The following LAMC1 variants were observed in gnomAD, a reference collection of about 807,000 sequenced individuals.
LAMC1 encodes laminin subunit gamma-1.
Under a neutral mutation model 173.6 loss-of-function variants are expected in LAMC1, and 38 were observed. The observed-to-expected ratio is 0.22, with a 90% CI of 0.17 to 0.29. The LOEUF (loss-of-function observed/expected upper bound fraction) is 0.29. LAMC1 is among the 10% of genes least tolerant of loss of function. LAMC1 has a pLI of 1.00. For missense variants in LAMC1, 1,824 were observed against 2,051.8 expected, an observed-to-expected ratio of 0.89 and a Z score of 2.14; for synonymous variants, 746 against 749.1, an observed-to-expected ratio of 1.00 and a Z score of 0.07.
chr1:183,028,639 T>C lies in LAMC1; in HGVS notation c.418+4505T>C, dbSNP rs183642361. On this transcript the variant is annotated intron_variant, in intron 1 of 27. Transcript: ENST00000258341. The stretch of plus-strand genomic sequence containing the variant: ...GCTTGCAGCTTCTCTAACGAGTCTC[T>C]CGAAAGAAAGTCTACTTTATTCTAA... 1.9e-4 allele frequency among the ~76,000 whole-genome samples: 29 copies of C among 152,348 alleles called. No individual in the cohort carries two copies. In the East Asian group the frequency reaches 5.2e-3, roughly 27 times the overall value.
At chr1:183,138,143 A>C in intron 26 of LAMC1, 1 of 702,302 alleles carries the variant, frequency 1.4e-6, no homozygotes, top group Non-Finnish European at 1.7e-6. Flanking sequence ...GTTAATAAAA[A>C]AGGAATGCAA....
intron 19 of LAMC1, 34 bp downstream of exon 19, chr1:183,130,583 G>A (rs768645887): frequency 5.1e-6 from 8 of 1,574,070 alleles, no homozygotes; most frequent in Non-Finnish European, 7.0e-6. Context: ...GTGGGGATGG[G>A]GGAGGCCCCT....
At chr1:183,134,591 C>A in intron 22 of LAMC1, 69 bp from the exon 23 acceptor site, 1 of 1,297,500 alleles carries the variant, frequency 7.7e-7, no homozygotes, top group Non-Finnish European at 1.1e-6. Flanking sequence ...TTACAGAGTT[C>A]CTAAGCCTAC....
At chr1:183,056,133 A>G (rs1654588791) in intron 1 of LAMC1, among the ~76,000 whole-genome samples, 1 of 152,214 alleles carries the variant, frequency 6.6e-6, no homozygotes, top group Non-Finnish European at 1.5e-5. Flanking sequence ...TGGTTAGAGC[A>G]TGGGCTGTGG....
chr1:183,035,277 C>T (rs1411171586), intron 1 of LAMC1, among the ~76,000 whole-genome samples: 2 of 152,330 alleles, frequency 1.3e-5, no homozygotes, highest in South Asian at 2.1e-4. Flanking sequence ...CAGCCTCAAA[C>T]ACCTGGGCTC....
At chr1:183,068,324 G>A (rs1488536506) in intron 1 of LAMC1, among the ~76,000 whole-genome samples, 1 of 152,082 alleles carries the variant, frequency 6.6e-6, no homozygotes, top group Non-Finnish European at 1.5e-5. Flanking sequence ...TTATTTTCAA[G>A]TGCATAGGAT....
rs751014913 is a variant in LAMC1, at chr1:183,136,420, C to T, written c.4149C>T (p.Ala1383=). Reference sequence around the variant, plus strand: ...GGCGTGTGAACGATAACAAGACGGCCGCAGAGGAGGCACTAAGGAAGATTC... The same window carrying T: ...GGCGTGTGAACGATAACAAGACGGCTGCAGAGGAGGCACTAAGGAAGATTC... The part of the protein sequence containing the change: ...FDRRVNDNKT[A]AEEALRKIPA... Residue 1383 remains alanine (A), a synonymous_variant, in exon 25 of 28, where the codon GCC becomes GCT. Coordinates refer to ENST00000258341, the MANE Select transcript of LAMC1 (RefSeq NM_002293.4). 35 of 1,614,020 alleles carry T rather than the reference C, an allele frequency of 2.2e-5. No individual in the cohort carries two copies. The highest frequency in any genetic ancestry group is 1.6e-4 in the Middle Eastern group (1 of 6,084).
intron 11 of LAMC1, among the ~76,000 whole-genome samples, chr1:183,120,726 C>T (rs532890016): frequency 6.6e-6 from 1 of 152,288 alleles, no homozygotes; most frequent in African/African-American, 2.4e-5. Context: ...AAGGTTTCCT[C>T]TGATTTCTTA....
intron 19 of LAMC1, among the ~76,000 whole-genome samples, chr1:183,130,889 T>C (rs1656764317): frequency 6.6e-6 from 1 of 152,150 alleles, no homozygotes. Context: ...AGAGGTATTC[T>C]TGGGGCCAGG....
intron 14 of LAMC1, 45 bp from the exon 15 acceptor site, chr1:183,125,348 TTCTC>T: frequency 6.3e-7 from 1 of 1,595,356 alleles, no homozygotes; most frequent in South Asian, 1.1e-5. Flanking sequence ...ATTTTAGTAT[TTCTC>T]TCAGGTGATT....
intron 18 of LAMC1, among the ~76,000 whole-genome samples, chr1:183,129,602 C>G (rs1656727323): frequency 6.6e-6 from 1 of 151,734 alleles, no homozygotes; most frequent in Non-Finnish European, 1.5e-5. Flanking sequence ...AATTTAGACC[C>G]CAACACCGAG....
intron 3 of LAMC1, among the ~76,000 whole-genome samples, chr1:183,108,990 T>C (rs1176492435): frequency 1.3e-5 from 2 of 152,164 alleles, no homozygotes; most frequent in Non-Finnish European, 2.9e-5. Flanking sequence ...GATGGACATG[T>C]TGTAAGCAGA....
chr1:183,041,306 G>A (rs537949404), intron 1 of LAMC1, among the ~76,000 whole-genome samples: 3 of 152,214 alleles, frequency 2.0e-5, no homozygotes, highest in South Asian at 2.1e-4. Flanking sequence ...TGCTCCCACC[G>A]TGTGGGTACT....
chr1:183,128,861 T>A, intron 18 of LAMC1, 111 bp downstream of exon 18: 1 of 808,500 alleles, frequency 1.2e-6, no homozygotes, highest in Non-Finnish European at 1.7e-6. Context: ...GTTTTTAAAC[T>A]ACTCATAGAT....
chr1:183,129,141 A>G (rs1008505980), intron 18 of LAMC1, among the ~76,000 whole-genome samples: 1 of 137,030 alleles, frequency 7.3e-6, no homozygotes, highest in Non-Finnish European at 1.5e-5. Flanking sequence ...GCTGGAGTGC[A>G]GTGGCGCGAT....
intron 1 of LAMC1, among the ~76,000 whole-genome samples, chr1:183,043,155 T>TC (rs1013627953): frequency 9.9e-5 from 15 of 152,164 alleles, no homozygotes; most frequent in African/African-American, 3.6e-4. Flanking sequence ...TAATTAGGTG[T>TC]CCAACTTAGA....
chr1:183,140,406 T>G lies in LAMC1; in HGVS notation c.4476T>G (p.Ala1492=), dbSNP rs200977142. ...TTTGCCTCATTTTTCCCTTACAGGC[T>G]TCACAGGCTGCTCAAGAAGCCGAGA... ...ADQDMMMAGM[A]SQAAQEAEIN... Residue 1492 remains alanine, a splice_region_variant and synonymous_variant, in exon 27 of 28, where the codon GCT becomes GCG. Coordinates refer to ENST00000258341, the MANE Select transcript of LAMC1 (RefSeq NM_002293.4). The G allele has an allele frequency of 6.2e-7, 1 of 1,610,582 alleles. No individual in the cohort carries two copies. Among genetic ancestry groups the G allele is most frequent in the Non-Finnish European group, 8.5e-7 (1 of 1,177,410 alleles).
At chr1:183,084,535 A>T (rs1025698585) in intron 1 of LAMC1, among the ~76,000 whole-genome samples, 5 of 152,234 alleles carry the variant, frequency 3.3e-5, no homozygotes, top group African/African-American at 1.2e-4. Context: ...CTGAAGTCAT[A>T]TTAAGCTAAT....
In LAMC1 at chr1:183,125,509, C is replaced by T. The variant is rs753625596; in HGVS notation, c.2760C>T (p.Asp920=). The T allele has an allele frequency of 6.2e-7, 1 of 1,612,482 alleles. No homozygotes were observed. Among genetic ancestry groups the T allele is most frequent in the Non-Finnish European group, 8.5e-7 (1 of 1,179,142 alleles). Residue 920 remains aspartate, a synonymous_variant, in exon 15 of 28, where the codon GAC becomes GAT. Coordinates refer to ENST00000258341, the MANE Select transcript of LAMC1 (RefSeq NM_002293.4). ...HVTGQDCGAC[D]PGFYNLQSGQ... ...CTGGCCAGGACTGTGGTGCTTGTGA[C>T]CCTGGATTCTACAATCTGCAGAGTG...
Sources: gnomAD v4.1 joint callset for allele counts (sites outside exome capture counted in the v4.1 genomes callset) on GRCh38, gnomAD v4.1.1 for gene constraint, MANE v1.5 for transcripts, NCBI Gene and HGNC (gene_info 2026-07-23, HGNC 2026-07-21) for gene names.